CRISP1: variants seen among roughly 807,000 people sequenced by gnomAD.
CRISP1 encodes the protein cysteine-rich secretory protein 1.
CRISP1 carries 44 observed loss-of-function variants against 33.1 expected under a neutral mutation model. The observed-to-expected ratio is 1.33, with a 90% CI of 1.05 to 1.71. CRISP1 has a LOEUF of 1.71. Among genes scored for constraint, CRISP1 ranks in the 40% most tolerant of loss-of-function variants. CRISP1 has a pLI of 0.00. For missense variants in CRISP1, 390 were observed against 301.2 expected, an observed-to-expected ratio of 1.29 and a Z score of -2.18; for synonymous variants, 103 against 98.7, an observed-to-expected ratio of 1.04 and a Z score of -0.26.
chr6:49,861,284 C>A (rs1771645767), intron 1 of CRISP1, among the ~76,000 whole-genome samples: 1 of 151,956 alleles, frequency 6.6e-6, no homozygotes, highest in Non-Finnish European at 1.5e-5. Context: ...GACAAGGATG[C>A]AACAAAGAAG....
intron 1 of CRISP1, among the ~76,000 whole-genome samples, chr6:49,862,278 G>A (rs1230216345): frequency 2.6e-5 from 4 of 151,856 alleles, no homozygotes; most frequent in Admixed American, 2.0e-4. Context: ...TTACCAAAGA[G>A]GTGAAAAACT....
intron 2 of CRISP1, 129 bp from the exon 3 acceptor site, chr6:49,852,258 T>C: frequency 1.2e-6 from 1 of 803,826 alleles, no homozygotes; most frequent in Non-Finnish European, 1.9e-6. Context: ...TTTTTGAATT[T>C]ATAATGTCTC....
At chr6:49,847,447 A>G (rs12213547) in intron 4 of CRISP1, among the ~76,000 whole-genome samples, 14,713 of 151,940 alleles carry the variant, frequency 0.097, 996 homozygotes, top group Non-Finnish European at 0.15. Flanking sequence ...GTTTAAAAGT[A>G]TGTGGCACCC....
rs1178369931 is a variant in CRISP1, at chr6:49,874,848, G to A, written c.-3+2161C>T. 2.6e-5 allele frequency among the ~76,000 whole-genome samples: 4 copies of A among 151,664 alleles called. No individual in the cohort carries two copies. In the East Asian group the frequency reaches 7.7e-4, roughly 29 times the overall value. On this transcript the variant is annotated intron_variant, in intron 1 of 7. Coordinates refer to the CRISP1 transcript ENST00000505118. Reference sequence around the variant, plus strand: ...GAATGCAGAAAAGGCCTTTGTTAAAGAAAACCACATCCCATTCATGTTAAA... The same window carrying A: ...GAATGCAGAAAAGGCCTTTGTTAAAAAAAACCACATCCCATTCATGTTAAA...
chr6:49,836,534 T>G (rs1165280277), intron 7 of CRISP1, among the ~76,000 whole-genome samples: 8 of 151,846 alleles, frequency 5.3e-5, no homozygotes, highest in Admixed American at 5.2e-4. Context: ...GAGACGGGGT[T>G]TCACCATGTT....
intron 7 of CRISP1, among the ~76,000 whole-genome samples, chr6:49,837,855 C>T (rs1770851845): frequency 6.6e-6 from 1 of 150,764 alleles, no homozygotes; most frequent in Admixed American, 6.6e-5. Context: ...AGAAATGGCA[C>T]CCATTTGGCT....
rs1220978388 is a variant in CRISP1 at position 49,848,280 on chromosome 6, G to T, written c.215C>A (p.Ala72Glu). Residue 72 changes from alanine (A) to glutamate (E), a missense_variant, in exon 4 of 8, where the codon GCA becomes GAA. Physicochemically the swap from Ala to Glu is moderately radical, Grantham distance 107. Coordinates refer to ENST00000335847, the MANE Select transcript of CRISP1 (RefSeq NM_001131.3). ...MLKMSWSEEA[A>E]QNARIFSKYC... ...CTTTGAAAAAATTCTGGCATTTTGT[G>T]CAGCCTCTTCACTCCAACTCTGTAG... is the stretch of plus-strand genomic sequence containing the variant. 1 of 1,602,764 alleles carries T rather than the reference G, an allele frequency of 6.2e-7. No homozygotes were observed. Among genetic ancestry groups the T allele is most frequent in the South Asian group, 1.1e-5 (1 of 89,250 alleles).
intron 1 of CRISP1, among the ~76,000 whole-genome samples, chr6:49,876,332 A>G (rs776306725): frequency 6.6e-6 from 1 of 152,150 alleles, no homozygotes; most frequent in Non-Finnish European, 1.5e-5. Flanking sequence ...CAAAACCACA[A>G]TGAAATACCA....
At chr6:49,836,109 C>G (rs1388176135) in intron 7 of CRISP1, among the ~76,000 whole-genome samples, 1 of 152,160 alleles carries the variant, frequency 6.6e-6, no homozygotes, top group Non-Finnish European at 1.5e-5. Context: ...CCTGAATTCT[C>G]TATCACAACT....
upstream of CRISP1, among the ~76,000 whole-genome samples, chr6:49,870,387 A>G (rs934625134): frequency 6.6e-6 from 1 of 152,066 alleles, no homozygotes; most frequent in Non-Finnish European, 1.5e-5. Flanking sequence ...GTAGTAGTAA[A>G]TTTGTCACTC....
At chr6:49,854,265 T>A (rs1338788659) in intron 2 of CRISP1, among the ~76,000 whole-genome samples, 1 of 152,216 alleles carries the variant, frequency 6.6e-6, no homozygotes, top group African/African-American at 2.4e-5. Flanking sequence ...TCCATTCTCT[T>A]CTACCATTCC....
chr6:49,835,309 C>G lies in CRISP1; in HGVS notation c.*7G>C, dbSNP rs755731959. 1.9e-6 allele frequency: 3 copies of G among 1,613,134 alleles called. No homozygotes were observed. The South Asian group carries it at 3.3e-5, about 18-fold the overall frequency. On this transcript the variant is annotated 3_prime_UTR_variant, in exon 8 of 8. Coordinates refer to ENST00000335847, the MANE Select transcript of CRISP1 (RefSeq NM_001131.3). The stretch of plus-strand genomic sequence containing the variant: ...CACAGCATAGAACAGTTGAAAATAA[C>G]AAAGACCTATTTTATCTCAGTGTCA...
At chr6:49,850,919 C>T (rs1001348766) in intron 3 of CRISP1, among the ~76,000 whole-genome samples, 1 of 152,002 alleles carries the variant, frequency 6.6e-6, no homozygotes, top group Non-Finnish European at 1.5e-5. Context: ...TTAATCTGGG[C>T]CCCAGTCCTT....
chr6:49,835,238 A>G lies in CRISP1; in HGVS notation c.*78T>C. The G allele has an allele frequency of 1.3e-6, 2 of 1,486,914 alleles. No individual in the cohort carries two copies. Among genetic ancestry groups the G allele is most frequent in the Non-Finnish European group, 9.2e-7 (1 of 1,090,966 alleles). The allele number at this position is 1,486,914 out of a possible 1,614,324, so 92.1% of individuals were successfully genotyped here. A position where few individuals can be genotyped will look rare whatever the true frequency, so the allele number is the denominator to read the frequency against. On this transcript the variant is annotated 3_prime_UTR_variant, in exon 8 of 8. Coordinates refer to ENST00000335847, the MANE Select transcript of CRISP1 (RefSeq NM_001131.3). ...AGTGAAATTTAGCAGAAGCTACTGA[A>G]CTATAGCAAAAGACATGAATCCAAC... is the stretch of plus-strand genomic sequence containing the variant.
chr6:49,871,168 T>G (rs1173597153), upstream of CRISP1, among the ~76,000 whole-genome samples: 2 of 149,602 alleles, frequency 1.3e-5, no homozygotes, highest in African/African-American at 4.9e-5. Flanking sequence ...AATAAAAAAG[T>G]GTGTCTGTCT....
intron 3 of CRISP1, among the ~76,000 whole-genome samples, chr6:49,848,649 C>T (rs1771259350): frequency 1.3e-5 from 2 of 152,062 alleles, no homozygotes; most frequent in Admixed American, 1.3e-4. Context: ...CTCTTTGAAT[C>T]TCAGTTTATC....
chr6:49,839,319 C>CGT (rs1770910103), intron 6 of CRISP1, among the ~76,000 whole-genome samples: 1 of 143,196 alleles, frequency 7.0e-6, no homozygotes, highest in Admixed American at 7.0e-5. Context: ...GGCCTGGTGG[C>CGT]GTATGCCTGT....
chr6:49,846,751 G>A (rs989593856), intron 4 of CRISP1, 83 bp from the exon 5 acceptor site: 9 of 1,336,838 alleles, frequency 6.7e-6, no homozygotes, highest in Non-Finnish European at 8.3e-6. Context: ...TTTATTTTAT[G>A]AATGGTTCAC....
intron 1 of CRISP1, among the ~76,000 whole-genome samples, chr6:49,875,530 C>A (rs1318412762): frequency 6.6e-6 from 1 of 152,036 alleles, no homozygotes; most frequent in Non-Finnish European, 1.5e-5. Context: ...GCATTCTTCA[C>A]AGAATTAGAA....
Sources: allele counts gnomAD v4.1 joint callset (sites outside exome capture counted in the v4.1 genomes callset), GRCh38; gene constraint gnomAD v4.1.1; transcripts MANE v1.5; gene names NCBI Gene and HGNC (gene_info 2026-07-23, HGNC 2026-07-21).